Variants in BTD observed in about 807,000 individuals in gnomAD.
BTD encodes biotinidase.
Under a neutral mutation model 17.7 loss-of-function variants are expected in BTD, and 13 were observed. The ratio of observed to expected loss-of-function variants is 0.74; its 90% confidence interval spans 0.48 to 1.17. BTD has a LOEUF of 1.17. Among genes scored for constraint, BTD ranks in the 50% most tolerant of loss-of-function variants. The pLI, the probability that BTD is intolerant of heterozygous loss-of-function variation, is 0.00. For synonymous variants in BTD, 240 were observed against 245.2 expected (o/e 0.98, Z 0.20); for missense variants, 674 against 650.4 (o/e 1.04, Z -0.39).
chr3:15,601,376 A>G, upstream of BTD: 2 of 1,614,142 alleles, frequency 1.2e-6, no homozygotes, highest in Non-Finnish European at 8.5e-7. Context: ...AGGAAGGTCC[A>G]TCGTACTTGC....
At chr3:15,720,859 ATGT>A (rs1204839273) in intron 4 of BTD, 1 of 1,479,380 alleles carries the variant, frequency 6.8e-7, no homozygotes, top group African/African-American at 1.4e-5. Context: ...TTCACCATTG[ATGT>A]TGTTTTAACA....
intron 3 of BTD, among the ~76,000 whole-genome samples, chr3:15,695,015 A>T (rs2069332242): frequency 6.6e-6 from 1 of 152,160 alleles, no homozygotes; most frequent in African/African-American, 2.4e-5. Context: ...AATGCTACTT[A>T]ATTGCCACCA....
chr3:15,709,624 T>C (rs2071952943), intron 3 of BTD: 1 of 1,348,524 alleles, frequency 7.4e-7, no homozygotes, highest in African/African-American at 1.5e-5. Context: ...AATCAAGTTA[T>C]TAAGTAAAAA....
intron 1 of BTD, among the ~76,000 whole-genome samples, chr3:15,614,601 T>TC: frequency 6.7e-6 from 1 of 148,802 alleles, no homozygotes; most frequent in African/African-American, 2.4e-5. Flanking sequence ...TCTTTTTCTT[T>TC]TTTTTTTTTT....
chr3:15,698,920 C>A (rs1275284824), intron 3 of BTD, among the ~76,000 whole-genome samples: 2 of 152,172 alleles, frequency 1.3e-5, no homozygotes, highest in East Asian at 3.9e-4. Flanking sequence ...CAAAAAAGAG[C>A]CCGCATTGCC....
exon 4 of BTD, among the ~76,000 whole-genome samples, chr3:15,710,771 A>G (rs1216640745): frequency 1.3e-5 from 2 of 152,064 alleles, no homozygotes; most frequent in Non-Finnish European, 2.9e-5. Context: ...AAATCTTCCA[A>G]TCTCAAACTT....
At chr3:15,611,407 GT>G (rs1342432954) in intron 1 of BTD, among the ~76,000 whole-genome samples, 1 of 152,084 alleles carries the variant, frequency 6.6e-6, no homozygotes, top group East Asian at 1.9e-4. Context: ...CCTTTGTCAG[GT>G]TTTATTATCA....
At chr3:15,717,750 C>G (rs1035464603), downstream of BTD, among the ~76,000 whole-genome samples, 1 of 152,144 alleles carries the variant, frequency 6.6e-6, no homozygotes, top group African/African-American at 2.4e-5. Context: ...ATGAAGCAAT[C>G]AGTGCAGTAA....
intron 3 of BTD, chr3:15,689,986 T>C: frequency 6.5e-7 from 1 of 1,540,554 alleles, no homozygotes; most frequent in Non-Finnish European, 8.8e-7. Flanking sequence ...TGGATAGAAG[T>C]TATAAATAAA....
At chr3:15,705,223 T>C (rs189489470) in intron 3 of BTD, among the ~76,000 whole-genome samples, 45 of 152,310 alleles carry the variant, frequency 3.0e-4, no homozygotes, top group Admixed American at 5.2e-4. Context: ...AGAAAACTAG[T>C]GATTTTAGTA....
intron 3 of BTD, among the ~76,000 whole-genome samples, chr3:15,663,214 G>A (rs1465687153): frequency 1.3e-5 from 2 of 152,078 alleles, no homozygotes; most frequent in African/African-American, 4.8e-5. Context: ...GGCTGGTCTC[G>A]AACTCCTCAC....
intron 3 of BTD, chr3:15,709,808 A>G: frequency 1.1e-6 from 1 of 887,668 alleles, no homozygotes; most frequent in Non-Finnish European, 1.7e-6. Flanking sequence ...GGTTTAAAGA[A>G]GCATGAAAGC....
At chr3:15,714,548 C>CA, downstream of BTD, 1 of 1,269,396 alleles carries the variant, frequency 7.9e-7, no homozygotes, top group Non-Finnish European at 1.1e-6. Context: ...AAAAAAAAAA[C>CA]CCCAAAAAAA....
intron 3 of BTD, among the ~76,000 whole-genome samples, chr3:15,706,809 G>A (rs2126015104): frequency 6.6e-6 from 1 of 152,276 alleles, no homozygotes; most frequent in Middle Eastern, 3.4e-3. Context: ...GTATCTCACT[G>A]TGGTTTTTAT....
chr3:15,678,724 A>G (rs1575104863), intron 3 of BTD, among the ~76,000 whole-genome samples: 1 of 152,332 alleles, frequency 6.6e-6, no homozygotes, highest in East Asian at 1.9e-4. Context: ...AAAACTGTTA[A>G]CTTTGTTAAC....
chr3:15,649,558 G>A lies in BTD; in HGVS notation c.*4070G>A, dbSNP rs1246427080. The stretch of plus-strand genomic sequence containing the variant: ...TCACATTCTGCACAGCCTCAGCTCC[G>A]CCTGACCTCTGAGCTCACATGATGG... On this transcript the variant is annotated 3_prime_UTR_variant, in exon 4 of 4. Coordinates refer to ENST00000643237, the MANE Select transcript of BTD (RefSeq NM_001370658.1). 2.6e-5 allele frequency among the ~76,000 whole-genome samples: 4 copies of A among 152,160 alleles called. No homozygotes were observed. Among genetic ancestry groups the A allele is most frequent in the Admixed American group, 6.5e-5 (1 of 15,282 alleles).
At chr3:15,679,656 AG>A in intron 3 of BTD, 1 of 949,172 alleles carries the variant, frequency 1.1e-6, no homozygotes. Flanking sequence ...AAAATGTAAA[AG>A]TCTCTCCCTC....
At chr3:15,688,245 T>G (rs1407620041) in intron 3 of BTD, among the ~76,000 whole-genome samples, 1 of 152,252 alleles carries the variant, frequency 6.6e-6, no homozygotes, top group Non-Finnish European at 1.5e-5. Context: ...TTAATATTTT[T>G]AAAATGTACT....
intron 1 of BTD, among the ~76,000 whole-genome samples, chr3:15,616,042 A>T (rs2064779941): frequency 6.6e-6 from 1 of 152,166 alleles, no homozygotes; most frequent in Non-Finnish European, 1.5e-5. Flanking sequence ...TTATTAATCC[A>T]TTCACCTACT....
Sources: gnomAD v4.1 joint callset for allele counts (sites outside exome capture counted in the v4.1 genomes callset) on GRCh38, gnomAD v4.1.1 for gene constraint, MANE v1.5 for transcripts, NCBI Gene and HGNC (gene_info 2026-07-23, HGNC 2026-07-21) for gene names.